Variants in SPG11 observed in about 807,000 individuals in gnomAD.
The protein encoded by SPG11 is spatacsin.
In SPG11, 222 loss-of-function variants were observed where a neutral mutation model predicts 274.0. That is an observed-to-expected ratio of 0.81 (90% CI 0.73 to 0.91). The LOEUF (loss-of-function observed/expected upper bound fraction) is 0.91. Among genes scored for constraint, SPG11 ranks in the 40% least tolerant of loss-of-function variants. SPG11 has a pLI of 0.00. For missense variants in SPG11, 3,114 were observed against 2,872.7 expected, an observed-to-expected ratio of 1.08 and a Z score of -1.92; for synonymous variants, 1,144 against 1,039.7, an observed-to-expected ratio of 1.10 and a Z score of -1.93.
intron 8 of SPG11, among the ~76,000 whole-genome samples, chr15:44,629,752 G>A (rs1467793875): frequency 7.2e-5 from 11 of 152,158 alleles, no homozygotes; most frequent in Non-Finnish European, 1.5e-4. Context: ...GAGAGGATAA[G>A]TAACTTGCCC....
At chr15:44,662,599 A>G (rs1156565721) in intron 1 of SPG11, among the ~76,000 whole-genome samples, 2 of 150,324 alleles carry the variant, frequency 1.3e-5, no homozygotes, top group Admixed American at 1.3e-4. Flanking sequence ...GGCTGCCGTG[A>G]ACCGTGACTG....
At chr15:44,566,362 A>C (rs1366937514) in intron 36 of SPG11, 57 bp from the exon 37 acceptor site, 76 of 1,519,822 alleles carry the variant, frequency 5.0e-5, no homozygotes, top group Admixed American at 2.6e-4. Flanking sequence ...CACTGTTCTC[A>C]TCCCACTCAT....
At chr15:44,623,439 A>T (rs1476379649) in intron 11 of SPG11, among the ~76,000 whole-genome samples, 1 of 151,720 alleles carries the variant, frequency 6.6e-6, no homozygotes, top group Non-Finnish European at 1.5e-5. Context: ...ACACAGTTCC[A>T]CTCCTCTGCA....
intron 8 of SPG11, among the ~76,000 whole-genome samples, chr15:44,629,729 A>C (rs2084004057): frequency 6.6e-6 from 1 of 152,226 alleles, no homozygotes; most frequent in Non-Finnish European, 1.5e-5. Flanking sequence ...TAGATTAAAA[A>C]AACTGAGGTT....
At chr15:44,569,631 C>T in intron 34 of SPG11, 126 bp from the exon 35 acceptor site, 2 of 752,678 alleles carry the variant, frequency 2.7e-6, no homozygotes, top group South Asian at 1.5e-5. Flanking sequence ...AATTTCCAGG[C>T]TACCATGCTT....
intron 34 of SPG11, 24 bp from the exon 35 acceptor site, chr15:44,569,529 C>T (rs2082375188): frequency 6.5e-7 from 1 of 1,530,400 alleles, no homozygotes; most frequent in Non-Finnish European, 8.9e-7. Flanking sequence ...GGACAGCTCG[C>T]ATCAGCATCA....
At chr15:44,647,599 T>C (rs1190894124) in intron 7 of SPG11, among the ~76,000 whole-genome samples, 1 of 152,218 alleles carries the variant, frequency 6.6e-6, no homozygotes, top group Non-Finnish European at 1.5e-5. Context: ...GGAATGAAGT[T>C]GTAGTGACAT....
chr15:44,613,388 G>T, intron 17 of SPG11, 42 bp downstream of exon 17: 1 of 1,311,574 alleles, frequency 7.6e-7, no homozygotes, highest in Non-Finnish European at 1.1e-6. Flanking sequence ...ACCAGTGACT[G>T]ATCCAAAGCA....
At chr15:44,576,371 A>G (rs1314350265) in intron 30 of SPG11, among the ~76,000 whole-genome samples, 5 of 150,024 alleles carry the variant, frequency 3.3e-5, no homozygotes, top group Non-Finnish European at 7.4e-5. Context: ...GGGTCAGGCC[A>G]GGTGTGGTGG....
chr15:44,617,412 G>T (rs115751112), intron 15 of SPG11, among the ~76,000 whole-genome samples: 1,908 of 152,260 alleles, frequency 0.013, 50 homozygotes, highest in African/African-American at 0.044. Context: ...GGTAGGGAGG[G>T]GAATCTGATT....
intron 7 of SPG11, among the ~76,000 whole-genome samples, chr15:44,636,924 T>TCAAAAAAAAACAAA (rs2084274678): frequency 9.5e-5 from 1 of 10,488 alleles, no homozygotes; most frequent in Non-Finnish European, 1.6e-4. Flanking sequence ...AGACTCCATC[T>TCAAAAAAAAACAAA]CAAAAAAAAA....
chr15:44,566,346 A>G (rs756023583), intron 36 of SPG11, 41 bp from the exon 37 acceptor site: 2 of 1,579,446 alleles, frequency 1.3e-6, no homozygotes, highest in Non-Finnish European at 1.7e-6. Context: ...TCTGACTCCC[A>G]AAGCTCACTG....
At chr15:44,653,013 T>A (rs1226686014) in intron 4 of SPG11, among the ~76,000 whole-genome samples, 2 of 152,140 alleles carry the variant, frequency 1.3e-5, no homozygotes, top group Non-Finnish European at 2.9e-5. Flanking sequence ...AAAGTATGTA[T>A]GTGGGTATAG....
intron 36 of SPG11, 94 bp from the exon 37 acceptor site, chr15:44,566,399 C>G (rs2082310297): frequency 2.4e-6 from 3 of 1,258,622 alleles, no homozygotes; most frequent in Non-Finnish European, 3.4e-6. Context: ...ATAGAAACAT[C>G]CCAGCCATGT....
At position 44,569,499 on chromosome 15, in the gene SPG11, G is replaced by A; in HGVS notation, c.6484C>T (p.Leu2162Phe). ...TTGTACCTTCCAATGCCAGTGAGGA[G>A]CCGTACCTGTGAAGTGGGAGGACAG... ...PSEEYGLVVR[L>F]LTGIGRYNEM... is the part of the protein sequence containing the mutation. The change falls in exon 35 of 40, where the codon CTC becomes TTC. Residue 2162 changes from leucine (L) to phenylalanine (F), a missense_variant. Physicochemically the swap from Leu to Phe is conservative, Grantham distance 22 (BLOSUM62 0). Transcript: ENST00000261866. 1 of 1,587,774 alleles carries A rather than the reference G, an allele frequency of 6.3e-7. No homozygotes were observed. The highest frequency in any genetic ancestry group is 1.1e-5 in the South Asian group (1 of 87,440).
chr15:44,588,545 G>GT, intron 28 of SPG11: 1 of 247,958 alleles, frequency 4.0e-6, no homozygotes. Context: ...ATATAAGATA[G>GT]TTATAGGAAA....
intron 30 of SPG11, among the ~76,000 whole-genome samples, chr15:44,580,046 G>T (rs977666481): frequency 6.6e-6 from 1 of 152,218 alleles, no homozygotes; most frequent in African/African-American, 2.4e-5. Context: ...CTCCATTAAC[G>T]TTAAGAGCCC....
Position 44,652,264 on chromosome 15 carries a change from T to C in SPG11, c.872A>G (p.Gln291Arg), listed in dbSNP as rs1566827330. The change falls in exon 5 of 40, where the codon CAA becomes CGA. Residue 291 changes from glutamine to arginine, a missense_variant and splice_region_variant. Physicochemically the swap from Gln to Arg is conservative, Grantham distance 43. Coordinates refer to ENST00000261866, the MANE Select transcript of SPG11 (RefSeq NM_025137.4). ...VALNLNLYFR[Q>R]HPGHLLCERI... ...TTCACACAGTAGGTGTCCTGGGTGT[T>C]GCCTACATTTAAAAATAATGATAGA... The C allele has an allele frequency of 6.2e-7, 1 of 1,614,048 alleles. No individual in the cohort carries two copies.
At chr15:44,647,928 T>A (rs946424398) in intron 7 of SPG11, among the ~76,000 whole-genome samples, 36 of 152,310 alleles carry the variant, frequency 2.4e-4, no homozygotes, top group African/African-American at 8.2e-4. Context: ...AATAAAGCTG[T>A]CATTTAAAGA....
Sources: gnomAD v4.1 joint callset for allele counts (sites outside exome capture counted in the v4.1 genomes callset) on GRCh38, gnomAD v4.1.1 for gene constraint, MANE v1.5 for transcripts, NCBI Gene and HGNC (gene_info 2026-07-23, HGNC 2026-07-21) for gene names.